Variants in FER observed in about 807,000 individuals in gnomAD.
FER encodes the protein FER tyrosine kinase.
FER carries 63 observed loss-of-function variants against 111.0 expected under a neutral mutation model. The ratio of observed to expected loss-of-function variants is 0.57; its 90% CI spans 0.46 to 0.70. The LOEUF (loss-of-function observed/expected upper bound fraction) is 0.70. Among genes scored for constraint, FER ranks in the 30% least tolerant of loss-of-function variants. The pLI, the probability that FER is intolerant of heterozygous loss-of-function variation, is 0.00. For synonymous variants in FER, 327 were observed against 313.9 expected, an observed-to-expected ratio of 1.04 and a Z score of -0.44; for missense variants, 914 against 954.0, an observed-to-expected ratio of 0.96 and a Z score of 0.55.
intron 9 of FER, among the ~76,000 whole-genome samples, chr5:108,884,141 G>A (rs995283629): frequency 2.0e-5 from 3 of 152,122 alleles, no homozygotes; most frequent in Admixed American, 2.0e-4. Context: ...ATCTACAAGA[G>A]TGGGTGCTGG....
chr5:109,028,675 A>G (rs1186973521), intron 13 of FER, among the ~76,000 whole-genome samples: 1 of 152,214 alleles, frequency 6.6e-6, no homozygotes, highest in African/African-American at 2.4e-5. Context: ...ACATAAGTTA[A>G]CATTAAGTTA....
intron 5 of FER, among the ~76,000 whole-genome samples, chr5:108,846,506 T>C (rs1042507352): frequency 5.3e-5 from 8 of 152,190 alleles, no homozygotes; most frequent in African/African-American, 1.9e-4. Flanking sequence ...CAGGAATTTG[T>C]CCATTTCATA....
intron 1 of FER, among the ~76,000 whole-genome samples, chr5:108,767,742 A>G (rs1247599077): frequency 6.6e-6 from 1 of 152,178 alleles, no homozygotes; most frequent in Non-Finnish European, 1.5e-5. Context: ...TTGGCCTTCC[A>G]CAGTGTTGGG....
chr5:108,765,051 T>C (rs1314423928), intron 1 of FER, among the ~76,000 whole-genome samples: 1 of 152,200 alleles, frequency 6.6e-6, no homozygotes, highest in Non-Finnish European at 1.5e-5. Flanking sequence ...TTTTTGGCTA[T>C]GAATGTGCGT....
intron 17 of FER, among the ~76,000 whole-genome samples, chr5:109,139,603 A>G (rs1753306553): frequency 6.6e-6 from 1 of 151,794 alleles, no homozygotes; most frequent in African/African-American, 2.4e-5. Flanking sequence ...TTTTTGTTTC[A>G]CTTTTTTGCC....
At chr5:109,083,356 C>G (rs535691952) in intron 16 of FER, among the ~76,000 whole-genome samples, 2 of 152,160 alleles carry the variant, frequency 1.3e-5, no homozygotes, top group Admixed American at 6.6e-5. Flanking sequence ...TGCAGTCCCA[C>G]ATCATACCAC....
intron 17 of FER, among the ~76,000 whole-genome samples, chr5:109,136,780 A>G (rs964420762): frequency 3.3e-5 from 5 of 152,000 alleles, no homozygotes; most frequent in African/African-American, 7.2e-5. Context: ...TATAAATTCT[A>G]TGAATCAAAA....
At chr5:109,153,844 GA>G (rs1755100347) in intron 17 of FER, among the ~76,000 whole-genome samples, 1 of 151,724 alleles carries the variant, frequency 6.6e-6, no homozygotes, top group African/African-American at 2.4e-5. Context: ...CTCATATTGG[GA>G]AAGTCACTTC....
intron 17 of FER, among the ~76,000 whole-genome samples, chr5:109,128,872 A>G (rs771090975): frequency 1.3e-5 from 2 of 152,112 alleles, no homozygotes; most frequent in Non-Finnish European, 2.9e-5. Context: ...TTGAGAAAAC[A>G]TTGTAAAATA....
chr5:108,947,154 G>A lies in FER; in HGVS notation c.1329+932G>A, dbSNP rs539520287. On this transcript the variant is annotated intron_variant, in intron 11 of 19. Coordinates refer to ENST00000281092, the MANE Select transcript of FER (RefSeq NM_005246.4). The stretch of plus-strand genomic sequence containing the variant: ...TATTATAAATAATGCTGCTATGAAC[G>A]TTCGTTTTCAAGTGTTTTTCTGTGT... Among the ~76,000 whole-genome samples, 235 of 152,006 alleles carry A rather than the reference G, an allele frequency of 1.5e-3. 2 individuals are homozygous for A. Among genetic ancestry groups the A allele is most frequent in the Admixed American group, 3.5e-3 (54 of 15,246 alleles).
At chr5:108,912,238 T>C (rs1216740742) in intron 10 of FER, among the ~76,000 whole-genome samples, 11 of 152,188 alleles carry the variant, frequency 7.2e-5, no homozygotes. Flanking sequence ...TTTAGCCTTG[T>C]AGTATAATTT....
chr5:109,178,909 T>C (rs1222559431), intron 17 of FER, among the ~76,000 whole-genome samples: 1 of 152,236 alleles, frequency 6.6e-6, no homozygotes, highest in Non-Finnish European at 1.5e-5. Context: ...GCCATATTAA[T>C]ATTCACATAT....
At chr5:108,944,109 A>G (rs1308269001) in intron 10 of FER, among the ~76,000 whole-genome samples, 1 of 67,012 alleles carries the variant, frequency 1.5e-5, no homozygotes, top group African/African-American at 5.7e-5. Context: ...GTGTATGTGT[A>G]CACACACACA....
chr5:108,995,728 C>T (rs573250206), intron 13 of FER, among the ~76,000 whole-genome samples: 13 of 152,214 alleles, frequency 8.5e-5, no homozygotes, highest in African/African-American at 2.2e-4. Flanking sequence ...ATAAAACATA[C>T]GTGTGCATGT....
rs1758832709 is a variant in FER, at chr5:108,959,219, C to G, written c.1534-6C>G. The G allele has an allele frequency of 6.2e-7, 1 of 1,610,614 alleles. No individual in the cohort carries two copies. Among genetic ancestry groups the G allele is most frequent in the Non-Finnish European group, 8.5e-7 (1 of 1,178,114 alleles). On this transcript the variant is annotated splice_polypyrimidine_tract_variant and splice_region_variant and intron_variant, in intron 12 of 19. Coordinates refer to ENST00000281092, the MANE Select transcript of FER (RefSeq NM_005246.4). Reference sequence around the variant, plus strand: ...CATTTATTCTACCTTATTGTTCTCTCTCCAGAACATGTATCGATTCGAGGG... The same window carrying G: ...CATTTATTCTACCTTATTGTTCTCTGTCCAGAACATGTATCGATTCGAGGG...
At chr5:108,749,871 C>T (rs1463890944) in intron 1 of FER, among the ~76,000 whole-genome samples, 1 of 152,152 alleles carries the variant, frequency 6.6e-6, no homozygotes, top group Non-Finnish European at 1.5e-5. Context: ...CAAGGTACTT[C>T]TTAAACAAAT....
At chr5:109,004,317 G>T (rs1365730483) in intron 13 of FER, among the ~76,000 whole-genome samples, 2 of 152,138 alleles carry the variant, frequency 1.3e-5, no homozygotes, top group African/African-American at 4.8e-5. Flanking sequence ...CCTAATCACA[G>T]AATAGTTTAT....
At chr5:109,091,021 A>G (rs1023034470) in intron 16 of FER, among the ~76,000 whole-genome samples, 2 of 152,228 alleles carry the variant, frequency 1.3e-5, no homozygotes, top group African/African-American at 4.8e-5. Context: ...GGAACAGAGC[A>G]TAAAGATTTG....
intron 3 of FER, chr5:108,830,466 A>G (rs932815093): frequency 1.3e-5 from 2 of 152,204 alleles, no homozygotes; most frequent in Non-Finnish European, 2.9e-5. Context: ...CACAAAAGAA[A>G]GGAGTTTGGA....
Sources: gnomAD v4.1 joint callset for allele counts (sites outside exome capture counted in the v4.1 genomes callset) on GRCh38, gnomAD v4.1.1 for gene constraint, MANE v1.5 for transcripts, NCBI Gene and HGNC (gene_info 2026-07-23, HGNC 2026-07-21) for gene names.